Variants in KRTDAP observed in about 807,000 individuals in gnomAD.
The protein encoded by KRTDAP is keratinocyte differentiation associated protein, also known as keratinocyte differentiation-associated protein.
A neutral mutation model predicts 18.6 loss-of-function variants in KRTDAP; 14 were observed. The observed-to-expected ratio is 0.75, with a 90% CI of 0.50 to 1.18. KRTDAP has a LOEUF of 1.18. Among genes scored for constraint, KRTDAP ranks in the 50% most tolerant of loss-of-function variants. The pLI is 0.00. For missense variants in KRTDAP, 114 were observed against 121.3 expected, an observed-to-expected ratio of 0.94 and a Z score of 0.28; for synonymous variants, 53 against 49.5, an observed-to-expected ratio of 1.07 and a Z score of -0.29.
intron 1 of KRTDAP, among the ~76,000 whole-genome samples, chr19:35,489,538 A>G (rs1161738344): frequency 6.6e-6 from 1 of 152,124 alleles, no homozygotes; most frequent in Non-Finnish European, 1.5e-5. Context: ...CATCTTCCCA[A>G]TCCATGGCGT....
chr19:35,488,844 G>T lies in KRTDAP; in HGVS notation c.88-4C>A. On this transcript the variant is annotated splice_polypyrimidine_tract_variant and splice_region_variant and intron_variant, in intron 1 of 5. Coordinates refer to ENST00000338897, the MANE Select transcript of KRTDAP (RefSeq NM_207392.3). ...AATTCTCAATGGTGCTTTCTTCCTG[G>T]AAAAGGAGAGGGAGAAAAGGCGGCA... 1.2e-6 allele frequency: 2 copies of T among 1,613,800 alleles called. No individual in the cohort carries two copies. Among genetic ancestry groups the T allele is most frequent in the Non-Finnish European group, 8.5e-7 (1 of 1,179,964 alleles).
Position 35,487,412 on chromosome 19 carries a change from C to T in KRTDAP, c.*16G>A. 1 of 1,613,204 alleles carries T rather than the reference C, an allele frequency of 6.2e-7. No homozygotes were observed. The highest frequency in any genetic ancestry group is 8.5e-7 in the Non-Finnish European group (1 of 1,179,126). ...TCAGCGCTCACGCTAGCCCCCTCTT[C>T]CAGTGGAGGTCATGGTCACTGGGCA... On this transcript the variant is annotated 3_prime_UTR_variant, in exon 6 of 6. Transcript: ENST00000338897.
rs1252279800 is a variant in KRTDAP at position 35,488,455 on chromosome 19, G to A, written c.199C>T (p.His67Tyr). The change falls in exon 4 of 6, where the codon CAC becomes TAC. Residue 67 changes from histidine (H) to tyrosine (Y), a missense_variant. Transcript: ENST00000338897. The stretch of plus-strand genomic sequence containing the variant: ...GGAGCACTCACCTCAAAGAGGGCGT[G>A]CCAGTTCAGGAACTCATCAGCCTTA... ...AFKADEFLNW[H>Y]ALFESIKRKL... 1 of 1,613,108 alleles carries A rather than the reference G, an allele frequency of 6.2e-7. No individual in the cohort carries two copies. The highest frequency in any genetic ancestry group is 8.5e-7 in the Non-Finnish European group (1 of 1,179,662).
intron 1 of KRTDAP, among the ~76,000 whole-genome samples, chr19:35,489,649 C>T (rs1368150048): frequency 1.3e-5 from 2 of 152,118 alleles, no homozygotes; most frequent in Non-Finnish European, 1.5e-5. Context: ...TGGCTTGGTC[C>T]TTAGCAGCTG....
intron 1 of KRTDAP, among the ~76,000 whole-genome samples, chr19:35,489,310 C>G (rs975713692): frequency 6.6e-6 from 1 of 152,152 alleles, no homozygotes; most frequent in African/African-American, 2.4e-5. Flanking sequence ...TTCCATAATC[C>G]CCCTCCATGG....
Position 35,487,748 on chromosome 19 carries a change from C to T in KRTDAP, c.225G>A (p.Arg75=), listed in dbSNP as rs2145780532. Residue 75 remains arginine, a synonymous_variant, in exon 5 of 6, where the codon AGG becomes AGA. Coordinates refer to ENST00000338897, the MANE Select transcript of KRTDAP (RefSeq NM_207392.3). The part of the protein sequence containing the change: ...NWHALFESIK[R]KLPFLNWDAF... ...CATCCCAGTTGAGGAAAGGAAGTTT[C>T]CTTTTGATAGACTAAAAGAAAGAAA... The T allele has an allele frequency of 1.2e-6, 2 of 1,613,154 alleles. No homozygotes were observed. The highest frequency in any genetic ancestry group is 8.5e-7 in the Non-Finnish European group (1 of 1,179,200).
Position 35,488,458 on chromosome 19 carries a change from A to G in KRTDAP, c.196T>C (p.Trp66Arg). The change falls in exon 4 of 6, where the codon TGG becomes CGG. Residue 66 changes from tryptophan (W) to arginine (R), a missense_variant. Coordinates refer to ENST00000338897, the MANE Select transcript of KRTDAP (RefSeq NM_207392.3). ...SAFKADEFLNWHALFESIKRK... is the reference protein window; with the variant it reads ...SAFKADEFLNRHALFESIKRK... ...GCACTCACCTCAAAGAGGGCGTGCC[A>G]GTTCAGGAACTCATCAGCCTTAAAC... is the stretch of plus-strand genomic sequence containing the variant. The G allele has an allele frequency of 6.2e-7, 1 of 1,613,306 alleles. No homozygotes were observed. The highest frequency in any genetic ancestry group is 8.5e-7 in the Non-Finnish European group (1 of 1,179,732).
intron 1 of KRTDAP, among the ~76,000 whole-genome samples, chr19:35,489,917 C>G (rs1019379626): frequency 2.0e-5 from 3 of 152,116 alleles, no homozygotes; most frequent in African/African-American, 4.8e-5. Flanking sequence ...TTTTGCTTTG[C>G]TTCACCCTCT....
At chr19:35,489,501 C>T (rs1000592746) in intron 1 of KRTDAP, among the ~76,000 whole-genome samples, 4 of 152,130 alleles carry the variant, frequency 2.6e-5, no homozygotes, top group African/African-American at 9.7e-5. Flanking sequence ...TTTCTAGTTT[C>T]CCCTGAAAAA....
chr19:35,489,761 C>T (rs1294400590), intron 1 of KRTDAP, among the ~76,000 whole-genome samples: 1 of 152,106 alleles, frequency 6.6e-6, no homozygotes, highest in African/African-American at 2.4e-5. Context: ...GCCTATGCTC[C>T]AGAGACAGCA....
intron 4 of KRTDAP, 62 bp from the exon 5 acceptor site, chr19:35,487,821 G>T (rs1374837276): frequency 1.9e-6 from 2 of 1,050,748 alleles, no homozygotes; most frequent in South Asian, 2.5e-5. Context: ...GGATGGGTAA[G>T]CATTCCCTTA....
At chr19:35,488,360 C>T in intron 4 of KRTDAP, 81 bp downstream of exon 4, 8 of 1,435,798 alleles carry the variant, frequency 5.6e-6, no homozygotes, top group South Asian at 1.2e-5. Context: ...CCAACCCATA[C>T]ATTTAAAGCC....
At chr19:35,489,536 C>T (rs2067510932) in intron 1 of KRTDAP, among the ~76,000 whole-genome samples, 1 of 152,154 alleles carries the variant, frequency 6.6e-6, no homozygotes, top group Admixed American at 6.5e-5. Flanking sequence ...CACATCTTCC[C>T]AATCCATGGC....
chr19:35,488,272 CG>C (rs2067502912), intron 4 of KRTDAP, among the ~76,000 whole-genome samples, 168 bp downstream of exon 4: 1 of 152,168 alleles, frequency 6.6e-6, no homozygotes, highest in South Asian at 2.1e-4. Context: ...GGACTGGCGC[CG>C]GGGGAAGCTT....
chr19:35,487,369 G>C lies in KRTDAP; in HGVS notation c.*59C>G, dbSNP rs1053359403. On this transcript the variant is annotated 3_prime_UTR_variant, in exon 6 of 6. Coordinates refer to ENST00000338897, the MANE Select transcript of KRTDAP (RefSeq NM_207392.3). ...ATTGGAGTTCCTGAGGCAGGAAAGA[G>C]TTATGGTAGGTTGAGAATCAGCGCT... The C allele has an allele frequency of 3.3e-6, 5 of 1,507,006 alleles. No individual in the cohort carries two copies. Among genetic ancestry groups the C allele is most frequent in the Admixed American group, 3.3e-5 (2 of 59,892 alleles). The allele number at this position is 1,507,006 out of a possible 1,614,324, so 93.4% of individuals were successfully genotyped here.
At chr19:35,490,301 T>C in intron 1 of KRTDAP, 55 bp downstream of exon 1, 1 of 1,098,422 alleles carries the variant, frequency 9.1e-7, no homozygotes, top group African/African-American at 1.6e-5. Flanking sequence ...GGTAGAGAGA[T>C]GGAGGGGTAG....
intron 1 of KRTDAP, among the ~76,000 whole-genome samples, chr19:35,489,696 T>G (rs1377041479): frequency 2.0e-5 from 3 of 152,092 alleles, no homozygotes; most frequent in Non-Finnish European, 4.4e-5. Flanking sequence ...AAATCCGGAA[T>G]AGGCATCAGG....
At chr19:35,488,731 A>G (rs767044909) in intron 2 of KRTDAP, 28 bp from the exon 3 acceptor site, 4 of 1,614,058 alleles carry the variant, frequency 2.5e-6, no homozygotes, top group African/African-American at 1.3e-5. Flanking sequence ...GTGTTAGGAA[A>G]GTTGCTAAGA....
At chr19:35,490,325 A>T (rs1331694794) in intron 1 of KRTDAP, 31 bp downstream of exon 1, 1 of 1,447,930 alleles carries the variant, frequency 6.9e-7, no homozygotes, top group Non-Finnish European at 9.6e-7. Flanking sequence ...GGTAACACGT[A>T]TAAGAATAAA....
Sources: allele counts gnomAD v4.1 joint callset (sites outside exome capture counted in the v4.1 genomes callset), GRCh38; gene constraint gnomAD v4.1.1; transcripts MANE v1.5; gene names NCBI Gene and HGNC (gene_info 2026-07-23, HGNC 2026-07-21).